The following MAJIN variants were observed in gnomAD, a reference collection of about 807,000 sequenced individuals.
MAJIN encodes the protein membrane-anchored junction protein.
MAJIN carries 27 observed loss-of-function variants against 30.2 expected under a neutral mutation model. The ratio of observed to expected loss-of-function variants is 0.89; its 90% CI spans 0.66 to 1.23. MAJIN has a LOEUF of 1.23. Among genes scored for constraint, MAJIN ranks in the 50% most tolerant of loss-of-function variants. MAJIN has a pLI of 0.00. For missense variants in MAJIN, 253 were observed against 260.3 expected (o/e 0.97, Z 0.19); for synonymous variants, 78 against 91.6 (o/e 0.85, Z 0.85).
At chr11:64,964,963 T>C (rs1052228103) in intron 1 of MAJIN, among the ~76,000 whole-genome samples, 3 of 152,188 alleles carry the variant, frequency 2.0e-5, no homozygotes, top group Non-Finnish European at 4.4e-5. Flanking sequence ...TTGCTTGTCA[T>C]AAAGCTCTAT....
chr11:64,950,163 C>G (rs1314067227), intron 5 of MAJIN, among the ~76,000 whole-genome samples, 192 bp downstream of exon 5: 1 of 151,928 alleles, frequency 6.6e-6, no homozygotes, highest in Non-Finnish European at 1.5e-5. Context: ...AATAGCGCCT[C>G]TACTAAAAAT....
intron 3 of MAJIN, among the ~76,000 whole-genome samples, chr11:64,959,011 T>C (rs1565139141): frequency 6.6e-6 from 1 of 151,288 alleles, no homozygotes; most frequent in African/African-American, 2.4e-5. Flanking sequence ...ATCCCAACAC[T>C]TGGGGAGGCA....
chr11:64,958,335 G>A (rs887582100), intron 3 of MAJIN, among the ~76,000 whole-genome samples: 5 of 152,068 alleles, frequency 3.3e-5, no homozygotes, highest in African/African-American at 9.7e-5. Context: ...AGAGTGCAAG[G>A]TGGGTGCTGG....
chr11:64,968,822 ACT>A (rs1398054910), intron 1 of MAJIN, among the ~76,000 whole-genome samples: 3 of 148,888 alleles, frequency 2.0e-5, no homozygotes, highest in African/African-American at 5.0e-5. Context: ...ACAGAGCGAG[ACT>A]CTGTCTCAAA....
intron 10 of MAJIN, 50 bp downstream of exon 10, chr11:64,939,595 CCTGAAAGACTCAATGAG>C: frequency 1.5e-6 from 2 of 1,376,046 alleles, no homozygotes; most frequent in Non-Finnish European, 2.0e-6. Context: ...TTCTAATTTC[CCTGAAAGACTCAATGAG>C]CCGCTCTGAG....
chr11:64,940,746 G>C, intron 8 of MAJIN, 100 bp from the exon 9 acceptor site: 1 of 1,049,472 alleles, frequency 9.5e-7, no homozygotes, highest in South Asian at 1.3e-5. Flanking sequence ...ATCAGCACTG[G>C]GGCCTGGCTT....
At chr11:64,953,690 C>T (rs1945589756) in intron 4 of MAJIN, among the ~76,000 whole-genome samples, 1 of 152,136 alleles carries the variant, frequency 6.6e-6, no homozygotes, top group South Asian at 2.1e-4. Context: ...GCTTGGGAGG[C>T]TGAGGCAGGA....
intron 6 of MAJIN, 28 bp from the exon 7 acceptor site, chr11:64,947,847 T>C (rs1032167902): frequency 8.3e-6 from 13 of 1,567,816 alleles, no homozygotes; most frequent in Admixed American, 5.2e-5. Context: ...AGTGTCATAA[T>C]AGATTTAAGA....
At chr11:64,959,081 T>C (rs1285152537) in intron 3 of MAJIN, among the ~76,000 whole-genome samples, 1 of 144,896 alleles carries the variant, frequency 6.9e-6, no homozygotes, top group Non-Finnish European at 1.5e-5. Flanking sequence ...CATAGCGAGA[T>C]CTGCTTCTCT....
At chr11:64,960,698 A>G (rs1945708014) in intron 1 of MAJIN, among the ~76,000 whole-genome samples, 2 of 152,168 alleles carry the variant, frequency 1.3e-5, no homozygotes, top group African/African-American at 2.4e-5. Context: ...GCTTTTCTCC[A>G]TATTATTCTG....
intron 3 of MAJIN, among the ~76,000 whole-genome samples, chr11:64,958,598 GAAAAAA>G (rs202169389): frequency 1.3e-4 from 13 of 102,518 alleles, no homozygotes; most frequent in Admixed American, 2.4e-4. Context: ...TGTCTTGGGA[GAAAAAA>G]AAAAAAAAAA....
rs767657443 is a variant in MAJIN, at chr11:64,959,313, C to G, written c.93G>C (p.Lys31Asn). The G allele has an allele frequency of 1.0e-4, 165 of 1,611,810 alleles. 1 individual carries two copies. Among genetic ancestry groups the G allele is most frequent in the Non-Finnish European group, 1.3e-4 (158 of 1,178,082 alleles). Residue 31 changes from lysine (K) to asparagine (N), a missense_variant, in exon 3 of 11, where the codon AAG becomes AAC. Physicochemically the swap from Lys to Asn is moderately conservative, Grantham distance 94. Coordinates refer to ENST00000301896, the MANE Select transcript of MAJIN (RefSeq NM_001037225.3). Reference sequence around the variant, plus strand: ...CCTACCTTTGAAATTACCTGATACTCTTCCCATATCTGATTTTGAATTTAT... The same window carrying G: ...CCTACCTTTGAAATTACCTGATACTGTTCCCATATCTGATTTTGAATTTAT... Reference protein sequence around the residue: ...NVYKFKIRYGKSIRGEEIENK... With the variant: ...NVYKFKIRYGNSIRGEEIENK...
intron 5 of MAJIN, among the ~76,000 whole-genome samples, 160 bp from the exon 6 acceptor site, chr11:64,950,028 C>T (rs530411299): frequency 6.6e-6 from 1 of 152,184 alleles, no homozygotes; most frequent in East Asian, 1.9e-4. Context: ...AGCTCATTTC[C>T]AGCCAGAAAA....
In MAJIN at chr11:64,947,364, C is replaced by T. The variant is rs765236733; in HGVS notation, c.473+10G>A. ...ACGCAGGAGCGAGCCTCTCTCCCCA[C>T]ACCACTGACCTGTCCAGCCCTGGCC... On this transcript the variant is annotated intron_variant, in intron 8 of 10. Transcript: ENST00000301896. The T allele has an allele frequency of 4.4e-6, 7 of 1,606,844 alleles. No individual in the cohort carries two copies. Among genetic ancestry groups the T allele is most frequent in the Non-Finnish European group, 5.1e-6 (6 of 1,177,784 alleles).
intron 5 of MAJIN, 130 bp downstream of exon 5, chr11:64,950,225 G>A: frequency 1.3e-6 from 1 of 790,434 alleles, no homozygotes; most frequent in Admixed American, 2.9e-5. Context: ...AGCTACTGGA[G>A]AGGCTGAGGC....
chr11:64,946,044 C>T (rs772909686), intron 8 of MAJIN: 38 of 1,489,462 alleles, frequency 2.6e-5, no homozygotes, highest in Non-Finnish European at 3.4e-5. Flanking sequence ...TAGCTAATAG[C>T]CTTGAAGGCT....
At chr11:64,958,272 G>A (rs1945667667) in intron 3 of MAJIN, among the ~76,000 whole-genome samples, 1 of 151,644 alleles carries the variant, frequency 6.6e-6, no homozygotes, top group Non-Finnish European at 1.5e-5. Flanking sequence ...TAATTTTTAT[G>A]ACAAATATTG....
chr11:64,953,444 A>G (rs1011949755), intron 4 of MAJIN, among the ~76,000 whole-genome samples: 1 of 152,136 alleles, frequency 6.6e-6, no homozygotes, highest in Non-Finnish European at 1.5e-5. Context: ...TGAGCTTTTC[A>G]CTGCTCAGGT....
Position 64,959,316 on chromosome 11 carries a change from C to T in MAJIN, c.90G>A (p.Gly30=), listed in dbSNP as rs1286623104. The T allele has an allele frequency of 3.7e-6, 6 of 1,612,292 alleles. No individual in the cohort carries two copies. Among genetic ancestry groups the T allele is most frequent in the Non-Finnish European group, 5.1e-6 (6 of 1,178,444 alleles). Residue 30 remains glycine (G), a synonymous_variant, in exon 3 of 11, where the codon GGG becomes GGA. Transcript: ENST00000301896. ...PNVYKFKIRY[G]KSIRGEEIEN... Reference sequence around the variant, plus strand: ...ACCTTTGAAATTACCTGATACTCTTCCCATATCTGATTTTGAATTTATACA... The same window carrying T: ...ACCTTTGAAATTACCTGATACTCTTTCCATATCTGATTTTGAATTTATACA...
Sources: gnomAD v4.1 joint callset for allele counts (sites outside exome capture counted in the v4.1 genomes callset) on GRCh38, gnomAD v4.1.1 for gene constraint, MANE v1.5 for transcripts, NCBI Gene and HGNC (gene_info 2026-07-23, HGNC 2026-07-21) for gene names.